FMN1: variants seen among roughly 807,000 people sequenced by gnomAD.
FMN1 encodes formin-1.
In FMN1, 110 loss-of-function variants were observed where a neutral mutation model predicts 132.4. The ratio of observed to expected loss-of-function variants is 0.83; its 90% CI spans 0.71 to 0.97. The LOEUF (loss-of-function observed/expected upper bound fraction) is 0.97. Among genes scored for constraint, FMN1 ranks in the 50% least tolerant of loss-of-function variants. The pLI, the probability that FMN1 is intolerant of heterozygous loss-of-function variation, is 0.00. For missense variants in FMN1, 1,792 were observed against 1,705.3 expected (o/e 1.05, Z -0.90); for synonymous variants, 722 against 651.7 (o/e 1.11, Z -1.64).
At chr15:33,175,053 G>T (rs897885567) in intron 3 of FMN1, among the ~76,000 whole-genome samples, 16 of 151,516 alleles carry the variant, frequency 1.1e-4, no homozygotes, top group Non-Finnish European at 2.4e-4. Context: ...TTTAGACAGG[G>T]TCTCACCCAG....
intron 4 of FMN1, among the ~76,000 whole-genome samples, chr15:33,101,840 C>A (rs2039305232): frequency 6.6e-6 from 1 of 152,094 alleles, no homozygotes; most frequent in Non-Finnish European, 1.5e-5. Context: ...GCTTGGCTTT[C>A]ACATATTCTT....
chr15:32,903,988 A>G lies in FMN1; in HGVS notation c.3378-1948T>C, dbSNP rs567271054. Among the ~76,000 whole-genome samples, 4 of 152,358 alleles carry G rather than the reference A, an allele frequency of 2.6e-5. No homozygotes were observed. The South Asian group carries it at 8.3e-4, about 32-fold the overall frequency. Reference sequence around the variant, plus strand: ...TACTTTTGGAAAGACTTGAAAATTCATACTAGAAGATCAGTCACCAAGAAT... The same window carrying G: ...TACTTTTGGAAAGACTTGAAAATTCGTACTAGAAGATCAGTCACCAAGAAT... On this transcript the variant is annotated intron_variant, in intron 12 of 20. Coordinates refer to ENST00000616417, the MANE Select transcript of FMN1 (RefSeq NM_001277313.2).
intron 4 of FMN1, among the ~76,000 whole-genome samples, chr15:33,114,706 A>G (rs345760): frequency 0.89 from 135,582 of 152,242 alleles, 60,484 homozygotes; most frequent in East Asian, 0.97. Context: ...AATGTCTCCT[A>G]AACTATAAAC....
At chr15:33,039,661 T>C (rs368814756) in intron 6 of FMN1, among the ~76,000 whole-genome samples, 13 of 152,318 alleles carry the variant, frequency 8.5e-5, no homozygotes, top group African/African-American at 2.9e-4. Flanking sequence ...TCTCCTTCTG[T>C]TCTTTTAATA....
At chr15:33,168,874 A>G (rs1014512594) in intron 3 of FMN1, among the ~76,000 whole-genome samples, 1 of 152,242 alleles carries the variant, frequency 6.6e-6, no homozygotes, top group Non-Finnish European at 1.5e-5. Context: ...CCTCTAGGTC[A>G]CAGCAGCCAC....
intron 4 of FMN1, among the ~76,000 whole-genome samples, chr15:33,128,748 T>C (rs749491017): frequency 6.6e-6 from 1 of 152,198 alleles, no homozygotes; most frequent in African/African-American, 2.4e-5. Context: ...ATGTGGTGAA[T>C]TTTAAAGCCC....
Position 32,968,913 on chromosome 15 carries a change from G to GC in FMN1, c.2787_2788insG (p.Leu930AlafsTer3). ...TTGGGTGGGGCAGGGGAGTTAGGAA[G>GC]TGGGGGTGGGGGTGGGGGTGGTGGA... On this transcript the variant is annotated frameshift_variant, in exon 8 of 21. Coordinates refer to ENST00000616417, the MANE Select transcript of FMN1 (RefSeq NM_001277313.2). LOFTEE classifies it high-confidence loss of function. 1.4e-6 allele frequency: 1 copy of GC among 725,958 alleles called. No homozygotes were observed. The highest frequency in any genetic ancestry group is 2.7e-5 in the East Asian group (1 of 36,756). 45.0% of individuals were successfully genotyped at this position (725,958 alleles called of 1,614,324 possible). A position where few individuals can be genotyped will look rare whatever the true frequency, so the allele number is the denominator to read the frequency against.
intron 7 of FMN1, among the ~76,000 whole-genome samples, chr15:32,994,039 C>T (rs1204290262): frequency 2.0e-5 from 3 of 152,072 alleles, no homozygotes; most frequent in Non-Finnish European, 4.4e-5. Context: ...AAGACCCTTC[C>T]AGAATCTTGC....
chr15:33,019,883 G>C (rs1334425541), intron 6 of FMN1, among the ~76,000 whole-genome samples: 1 of 152,156 alleles, frequency 6.6e-6, no homozygotes, highest in Admixed American at 6.5e-5. Flanking sequence ...CAAGCGGAGG[G>C]AGCCGGCTCC....
chr15:33,142,350 CTT>C (rs1964044145), intron 4 of FMN1, among the ~76,000 whole-genome samples: 1 of 152,166 alleles, frequency 6.6e-6, no homozygotes, highest in Non-Finnish European at 1.5e-5. Flanking sequence ...CCATTATCCT[CTT>C]GAGTTTAATC....
At chr15:33,055,492 C>T (rs1299874797) in intron 6 of FMN1, among the ~76,000 whole-genome samples, 1 of 151,814 alleles carries the variant, frequency 6.6e-6, no homozygotes, top group East Asian at 1.9e-4. Context: ...CAAGGCTAGA[C>T]AAAGCTACAG....
At chr15:32,969,562 G>A (rs2031602644) in intron 7 of FMN1, 85 bp from the exon 8 acceptor site, 2 of 1,421,622 alleles carry the variant, frequency 1.4e-6, no homozygotes, top group East Asian at 2.3e-5. Flanking sequence ...TACCATCATG[G>A]TGCCACTGTA....
chr15:33,018,745 T>C (rs1250285032), intron 6 of FMN1, among the ~76,000 whole-genome samples: 2 of 152,202 alleles, frequency 1.3e-5, no homozygotes, highest in African/African-American at 4.8e-5. Flanking sequence ...CCGGAGTTTG[T>C]TCCCTCTGAT....
chr15:33,059,940 C>A (rs931020764), intron 6 of FMN1, among the ~76,000 whole-genome samples: 27 of 152,358 alleles, frequency 1.8e-4, no homozygotes, highest in African/African-American at 6.5e-4. Context: ...CTTTAGTTCC[C>A]ATTTATGTTG....
chr15:33,059,335 G>C (rs1027818514), intron 6 of FMN1, among the ~76,000 whole-genome samples: 1 of 152,146 alleles, frequency 6.6e-6, no homozygotes, highest in Admixed American at 6.5e-5. Context: ...TGGCTATTGT[G>C]AATAGTTCTA....
chr15:32,878,280 G>C (rs2059684627), intron 16 of FMN1, among the ~76,000 whole-genome samples: 1 of 152,206 alleles, frequency 6.6e-6, no homozygotes, highest in Non-Finnish European at 1.5e-5. Context: ...GAGAAGACTG[G>C]AAAGGCAGAA....
intron 6 of FMN1, among the ~76,000 whole-genome samples, chr15:33,027,010 G>T (rs543206515): frequency 8.7e-4 from 132 of 152,234 alleles, no homozygotes; most frequent in African/African-American, 3.1e-3. Context: ...GAGTGTGGGG[G>T]TGCTGTTTTT....
chr15:33,037,290 TTCCCAGTCTCCTGCACAGC>T (rs145168859), intron 6 of FMN1, among the ~76,000 whole-genome samples: 1,565 of 152,256 alleles, frequency 0.01, 18 homozygotes, highest in African/African-American at 0.036. Flanking sequence ...ATGCTTACAG[TTCCCAGTCTCCTGCACAGC>T]CTCATTCCTT....
At chr15:32,918,307 T>TA (rs910397183) in intron 10 of FMN1, among the ~76,000 whole-genome samples, 49 of 148,728 alleles carry the variant, frequency 3.3e-4, no homozygotes, top group Middle Eastern at 3.5e-3. Flanking sequence ...TCCAAACAGA[T>TA]AAAAAAAAAA....
Sources: gnomAD v4.1 joint callset for allele counts (sites outside exome capture counted in the v4.1 genomes callset) on GRCh38, gnomAD v4.1.1 for gene constraint, MANE v1.5 for transcripts, NCBI Gene and HGNC (gene_info 2026-07-23, HGNC 2026-07-21) for gene names.